The following DDC variants were observed in gnomAD, a reference collection of about 807,000 sequenced individuals.
DDC encodes aromatic-L-amino-acid decarboxylase.
In DDC, 43 loss-of-function variants were observed where a neutral mutation model predicts 60.0. The ratio of observed to expected loss-of-function variants is 0.72; its 90% CI spans 0.56 to 0.92. DDC has a LOEUF of 0.92. DDC is among the 40% of genes least tolerant of loss of function. The pLI is 0.00. For missense variants in DDC, 573 were observed against 620.2 expected, an observed-to-expected ratio of 0.92 and a Z score of 0.81; for synonymous variants, 232 against 234.6, an observed-to-expected ratio of 0.99 and a Z score of 0.10.
Position 50,528,192 on chromosome 7 carries a change from G to A in DDC, c.659C>T (p.Ser220Phe). 1 of 1,614,018 alleles carries A rather than the reference G, an allele frequency of 6.2e-7. No homozygotes were observed. Among genetic ancestry groups the A allele is most frequent in the African/African-American group, 1.3e-5 (1 of 75,050 alleles). Residue 220 changes from serine to phenylalanine, a missense_variant, in exon 6 of 15, where the codon TCT becomes TTT. By Grantham distance (155) the Ser-to-Phe change is radical. Coordinates refer to ENST00000444124, the MANE Select transcript of DDC (RefSeq NM_001082971.2). ...PSDGNFAMRA[S>F]ALQEALERDK... is the part of the protein sequence containing the mutation. ...TCTCTCCAGGGCTTCCTGCAGGGCAGACGCACGCATGGCGAAGTTGCCATC... is the reference window on the plus strand; with the variant it reads ...TCTCTCCAGGGCTTCCTGCAGGGCAAACGCACGCATGGCGAAGTTGCCATC...
At chr7:50,533,820 C>T (rs2044297920) in intron 4 of DDC, among the ~76,000 whole-genome samples, 1 of 152,180 alleles carries the variant, frequency 6.6e-6, no homozygotes, top group Non-Finnish European at 1.5e-5. Flanking sequence ...GCAGGGCTCA[C>T]CAAATGCTAG....
chr7:50,478,803 T>C (rs1205874547), intron 10 of DDC, among the ~76,000 whole-genome samples: 3 of 85,784 alleles, frequency 3.5e-5, no homozygotes, highest in Non-Finnish European at 5.0e-5. Context: ...AATTGGTAAG[T>C]GGTGCAGAGT....
intron 6 of DDC, among the ~76,000 whole-genome samples, chr7:50,519,631 C>T (rs1488613168): frequency 6.6e-6 from 1 of 152,100 alleles, no homozygotes; most frequent in Non-Finnish European, 1.5e-5. Context: ...AGTGAAGTAG[C>T]TCAGGAATGG....
intron 6 of DDC, among the ~76,000 whole-genome samples, chr7:50,512,215 C>T (rs1254486407): frequency 6.6e-6 from 1 of 151,858 alleles, no homozygotes; most frequent in African/African-American, 2.4e-5. Flanking sequence ...CATGCTAACA[C>T]CAATGAAAAT....
intron 4 of DDC, among the ~76,000 whole-genome samples, chr7:50,533,777 T>A (rs2044296370): frequency 3.3e-5 from 5 of 151,766 alleles, no homozygotes; most frequent in Admixed American, 3.3e-4. Flanking sequence ...AGAAGAAAAA[T>A]CTCCACACTG....
intron 10 of DDC, among the ~76,000 whole-genome samples, chr7:50,477,843 T>C: frequency 6.6e-6 from 1 of 152,098 alleles, no homozygotes; most frequent in Admixed American, 6.6e-5. Context: ...CTGGCAATGA[T>C]TCACAGAAAC....
intron 13 of DDC, among the ~76,000 whole-genome samples, chr7:50,466,499 A>C (rs1057383964): frequency 7.3e-6 from 1 of 136,442 alleles, no homozygotes; most frequent in East Asian, 1.9e-4. Context: ...AAAAGAAAAA[A>C]AAAAAAAAAA....
chr7:50,472,540 C>T (rs1428238526), intron 11 of DDC, among the ~76,000 whole-genome samples: 1 of 152,116 alleles, frequency 6.6e-6, no homozygotes, highest in East Asian at 1.9e-4. Flanking sequence ...GGCTGCATGG[C>T]TCAGTGGCTT....
intron 12 of DDC, among the ~76,000 whole-genome samples, chr7:50,469,672 G>A (rs1163259900): frequency 1.3e-5 from 2 of 152,140 alleles, no homozygotes; most frequent in Non-Finnish European, 2.9e-5. Context: ...CTCTTGCCAT[G>A]TATTTGCTTA....
intron 9 of DDC, among the ~76,000 whole-genome samples, chr7:50,480,239 T>C (rs954892259): frequency 6.6e-6 from 1 of 152,114 alleles, no homozygotes; most frequent in Admixed American, 6.5e-5. Context: ...CCCTACTGAA[T>C]GAAACTCCGT....
rs533413968 is a variant in DDC, at chr7:50,530,524, C to A, written c.436-1182G>T. 2.0e-5 allele frequency among the ~76,000 whole-genome samples: 3 copies of A among 152,272 alleles called. No homozygotes were observed. In the South Asian group the frequency reaches 6.2e-4, roughly 32 times the overall value. The stretch of plus-strand genomic sequence containing the variant: ...ATGGATTCAGGGCCTGCTATGTTAT[C>A]CCATTTAAGTTGTAAAAATAATCCC... On this transcript the variant is annotated intron_variant, in intron 4 of 14. Transcript: ENST00000444124.
In DDC at chr7:50,495,340, G is replaced by C. The variant is rs1307323136; in HGVS notation, c.944+10C>G. 6.2e-6 allele frequency: 10 copies of C among 1,608,446 alleles called. No individual in the cohort carries two copies. Among genetic ancestry groups the C allele is most frequent in the Non-Finnish European group, 8.5e-6 (10 of 1,175,448 alleles). The stretch of plus-strand genomic sequence containing the variant: ...ACAGGCAACTGACATCTGTGAGCAG[G>C]GAAACTTACCACATGGCAGAACAGT... On this transcript the variant is annotated intron_variant, in intron 9 of 14. Transcript: ENST00000444124.
chr7:50,528,348 C>T, intron 5 of DDC, 68 bp from the exon 6 acceptor site: 1 of 1,600,432 alleles, frequency 6.2e-7, no homozygotes, highest in Non-Finnish European at 8.6e-7. Flanking sequence ...GGCCCTGGAT[C>T]GGCAGAGAGC....
At chr7:50,468,797 A>G (rs11575506) in intron 12 of DDC, among the ~76,000 whole-genome samples, 2,974 of 152,242 alleles carry the variant, frequency 0.02, 173 homozygotes, top group Admixed American at 0.12. Context: ...ACCTCTGTCC[A>G]TCAAGATGAG....
At chr7:50,467,730 T>C (rs1231419246) in intron 12 of DDC, among the ~76,000 whole-genome samples, 1 of 152,172 alleles carries the variant, frequency 6.6e-6, no homozygotes, top group Admixed American at 6.5e-5. Flanking sequence ...ACACAGAAGA[T>C]ATCATGATTA....
Position 50,544,080 on chromosome 7 carries a change from G to T in DDC, c.6C>A (p.Asn2Lys). M[N>K]ASEFRRRGKE... Reference sequence around the variant, plus strand: ...TCCCTCTCCTTCGGAATTCACTTGCGTTCATGGTGTCTGGGCTCTGTCAGA... The same window carrying T: ...TCCCTCTCCTTCGGAATTCACTTGCTTTCATGGTGTCTGGGCTCTGTCAGA... Residue 2 changes from asparagine (N) to lysine (K), a missense_variant, in exon 2 of 15, where the codon AAC becomes AAA. By Grantham distance (94) the Asn-to-Lys change is moderately conservative. Transcript: ENST00000444124. 6.2e-7 allele frequency: 1 copy of T among 1,614,000 alleles called. No homozygotes were observed. Among genetic ancestry groups the T allele is most frequent in the South Asian group, 1.1e-5 (1 of 91,068 alleles).
chr7:50,479,878 C>T lies in DDC; in HGVS notation c.945-15G>A. The T allele has an allele frequency of 1.9e-6, 3 of 1,610,566 alleles. No homozygotes were observed. The highest frequency in any genetic ancestry group is 2.2e-5 in the South Asian group (2 of 91,006). ...TCTTTTTCACCCTGGTTTTAGAGAACAAATGAAAGGGCTGATAACCAAGTA... is the reference window on the plus strand; with the variant it reads ...TCTTTTTCACCCTGGTTTTAGAGAATAAATGAAAGGGCTGATAACCAAGTA... On this transcript the variant is annotated splice_polypyrimidine_tract_variant and intron_variant, in intron 9 of 14. Transcript: ENST00000444124.
At chr7:50,537,640 G>T (rs990140738) in intron 4 of DDC, among the ~76,000 whole-genome samples, 1 of 152,166 alleles carries the variant, frequency 6.6e-6, no homozygotes, top group African/African-American at 2.4e-5. Flanking sequence ...GGAACTGAGT[G>T]CCCTGCCCTG....
chr7:50,510,085 T>C (rs1373122604), intron 6 of DDC, among the ~76,000 whole-genome samples: 16 of 151,994 alleles, frequency 1.1e-4, no homozygotes, highest in Admixed American at 1.0e-3. Flanking sequence ...CATTCTCTCA[T>C]CTCAGCTTCC....
Sources: allele counts gnomAD v4.1 joint callset (sites outside exome capture counted in the v4.1 genomes callset), GRCh38; gene constraint gnomAD v4.1.1; transcripts MANE v1.5; gene names NCBI Gene and HGNC (gene_info 2026-07-23, HGNC 2026-07-21).